PDGFD: variants seen among roughly 807,000 people sequenced by gnomAD.
PDGFD encodes the protein platelet derived growth factor D, also known as platelet-derived growth factor D.
In PDGFD, 30 loss-of-function variants were observed where a neutral mutation model predicts 44.7. That is an observed-to-expected ratio of 0.67 (90% confidence interval 0.50 to 0.91). The LOEUF is 0.91. PDGFD is among the 40% of genes least tolerant of loss of function. The pLI, the probability that PDGFD is intolerant of heterozygous loss-of-function variation, is 0.00. For missense variants in PDGFD, 445 were observed against 457.8 expected (o/e 0.97, Z 0.25); for synonymous variants, 173 against 168.4 (o/e 1.03, Z -0.21).
At chr11:104,062,263 C>T (rs1860728429) in intron 1 of PDGFD, among the ~76,000 whole-genome samples, 2 of 152,214 alleles carry the variant, frequency 1.3e-5, no homozygotes, top group African/African-American at 4.8e-5. Flanking sequence ...AACCAGCATT[C>T]CAGTTACAAC....
At chr11:104,150,051 C>A (rs1016620529) in intron 1 of PDGFD, among the ~76,000 whole-genome samples, 6 of 152,082 alleles carry the variant, frequency 3.9e-5, no homozygotes, top group Non-Finnish European at 2.9e-5. Flanking sequence ...ATGTAATTAT[C>A]ACATCACTTT....
At chr11:103,980,229 T>C (rs533559180) in intron 3 of PDGFD, among the ~76,000 whole-genome samples, 8 of 152,180 alleles carry the variant, frequency 5.3e-5, no homozygotes, top group East Asian at 3.9e-4. Context: ...CAGAAAATCA[T>C]ACGGAGTGCT....
chr11:104,152,433 T>C (rs1862260604), intron 1 of PDGFD, among the ~76,000 whole-genome samples: 1 of 152,276 alleles, frequency 6.6e-6, no homozygotes, highest in Non-Finnish European at 1.5e-5. Flanking sequence ...TATTTCTCTA[T>C]AAATTTATAA....
intron 5 of PDGFD, among the ~76,000 whole-genome samples, chr11:103,929,151 G>T (rs1396711221): frequency 6.6e-6 from 1 of 152,170 alleles, no homozygotes; most frequent in Non-Finnish European, 1.5e-5. Context: ...ACATTTAGTT[G>T]TTCCCCACCC....
chr11:103,961,479 G>A (rs908453474), intron 3 of PDGFD, among the ~76,000 whole-genome samples: 20 of 152,086 alleles, frequency 1.3e-4, no homozygotes, highest in Non-Finnish European at 8.8e-5. Context: ...GATTTTGATA[G>A]GGAAGCAGGC....
intron 1 of PDGFD, among the ~76,000 whole-genome samples, chr11:104,160,523 A>G (rs1225434256): frequency 6.6e-6 from 1 of 152,268 alleles, no homozygotes; most frequent in African/African-American, 2.4e-5. Flanking sequence ...TAAAATTAGA[A>G]TACATAGATG....
intron 6 of PDGFD, among the ~76,000 whole-genome samples, chr11:103,916,154 C>T (rs1385677492): frequency 6.6e-6 from 1 of 152,112 alleles, no homozygotes; most frequent in Non-Finnish European, 1.5e-5. Flanking sequence ...AGTGAACAAG[C>T]AACCTACAGA....
At chr11:104,044,020 C>A (rs142004928) in intron 1 of PDGFD, among the ~76,000 whole-genome samples, 1 of 152,108 alleles carries the variant, frequency 6.6e-6, no homozygotes, top group Non-Finnish European at 1.5e-5. Flanking sequence ...ACACAATAGG[C>A]GAACAACCAG....
intron 1 of PDGFD, among the ~76,000 whole-genome samples, chr11:104,062,120 C>T (rs1333488239): frequency 2.0e-5 from 3 of 152,212 alleles, no homozygotes; most frequent in Non-Finnish European, 4.4e-5. Flanking sequence ...GAAGGGACAG[C>T]TTTTCAATGA....
intron 3 of PDGFD, among the ~76,000 whole-genome samples, chr11:103,970,522 C>A (rs1591100649): frequency 6.6e-6 from 1 of 152,088 alleles, no homozygotes; most frequent in African/African-American, 2.4e-5. Context: ...ATTACCAAAT[C>A]ATTTTGCAAG....
chr11:104,052,084 TG>T (rs1207663948), intron 1 of PDGFD, among the ~76,000 whole-genome samples: 2 of 152,200 alleles, frequency 1.3e-5, no homozygotes, highest in African/African-American at 4.8e-5. Flanking sequence ...TTAGGTACTC[TG>T]GGTATTTTAT....
intron 5 of PDGFD, among the ~76,000 whole-genome samples, chr11:103,941,863 G>A (rs1858589729): frequency 1.3e-5 from 2 of 152,040 alleles, no homozygotes; most frequent in African/African-American, 4.8e-5. Context: ...TTCCTCTGGG[G>A]TTTTCAAAAT....
At position 103,920,384 on chromosome 11, in the gene PDGFD, G is replaced by A. The variant is rs1164276362; in HGVS notation, c.987+6528C>T. 2.0e-5 allele frequency among the ~76,000 whole-genome samples: 3 copies of A among 152,216 alleles called. No individual in the cohort carries two copies. In the East Asian group the frequency reaches 5.8e-4, roughly 29 times the overall value. On this transcript the variant is annotated intron_variant, in intron 6 of 6. Transcript: ENST00000393158. ...TAGAGGATTATTGACTACATGTTCAGCCTACCAATTGCAGAAAACATAATG... is the reference window on the plus strand; with the variant it reads ...TAGAGGATTATTGACTACATGTTCAACCTACCAATTGCAGAAAACATAATG...
Position 104,164,030 on chromosome 11 carries a change from C to T in PDGFD, c.-103G>A. On this transcript the variant is annotated 5_prime_UTR_variant, in exon 1 of 7. Coordinates refer to ENST00000393158, the MANE Select transcript of PDGFD (RefSeq NM_025208.5). ...TGCGCTCTCGCCGCCTGCGCTCGCC[C>T]TGCGCTGGCCCGGGTCGCTGTGCTA... 4 of 1,298,782 alleles carry T rather than the reference C, an allele frequency of 3.1e-6. No homozygotes were observed. Among genetic ancestry groups the T allele is most frequent in the Non-Finnish European group, 4.1e-6 (4 of 975,190 alleles). 80.5% of individuals were successfully genotyped at this position (1,298,782 alleles called of 1,614,324 possible).
At chr11:104,017,472 T>C (rs1336167187) in intron 1 of PDGFD, among the ~76,000 whole-genome samples, 1 of 152,184 alleles carries the variant, frequency 6.6e-6, no homozygotes, top group East Asian at 1.9e-4. Flanking sequence ...TCTATCTACT[T>C]TCTCCAGTTC....
chr11:104,072,125 T>C (rs961699227), intron 1 of PDGFD, among the ~76,000 whole-genome samples: 5 of 151,924 alleles, frequency 3.3e-5, no homozygotes, highest in Non-Finnish European at 5.9e-5. Flanking sequence ...TCATTAACTA[T>C]GTTTAGTATT....
chr11:104,153,146 A>T (rs1420591998), intron 1 of PDGFD, among the ~76,000 whole-genome samples: 1 of 152,136 alleles, frequency 6.6e-6, no homozygotes, highest in Non-Finnish European at 1.5e-5. Flanking sequence ...CTTGTTCAAC[A>T]ATACAGCAAC....
rs1056929344 is a variant in PDGFD at position 104,077,317 on chromosome 11, T to C, written c.125-77062A>G. 3.0e-4 allele frequency among the ~76,000 whole-genome samples: 45 copies of C among 151,994 alleles called. 3 individuals are homozygous for C. The highest frequency in any genetic ancestry group is 2.1e-4 in the South Asian group (1 of 4,810). ...ATACTAAGGTCAACCAGGGTAGAGATGAAGAAGGAAGGATGTAAGGCAGCA... is the reference window on the plus strand; with the variant it reads ...ATACTAAGGTCAACCAGGGTAGAGACGAAGAAGGAAGGATGTAAGGCAGCA... On this transcript the variant is annotated intron_variant, in intron 1 of 6. Transcript: ENST00000393158.
chr11:103,909,729 A>G lies in PDGFD; in HGVS notation c.1078T>C (p.Cys360Arg), dbSNP rs1857998734. 2 of 1,614,008 alleles carry G rather than the reference A, an allele frequency of 1.2e-6. No individual in the cohort carries two copies. The highest frequency in any genetic ancestry group is 2.2e-5 in the East Asian group (1 of 44,878). The change falls in exon 7 of 7, where the codon TGT becomes CGT. Residue 360 changes from cysteine (C) to arginine (R), a missense_variant. Physicochemically the swap from Cys to Arg is radical, Grantham distance 180. Transcript: ENST00000393158. ...GGTCTTGAGCTGCAGATACAATCAC[A>G]TCGTTCATGGTGATCCAACTGGATG... ...VDIQLDHHERCDCICSSRPPR is the reference protein window; with the variant it reads ...VDIQLDHHERRDCICSSRPPR
Sources: allele counts gnomAD v4.1 joint callset (sites outside exome capture counted in the v4.1 genomes callset), GRCh38; gene constraint gnomAD v4.1.1; transcripts MANE v1.5; gene names NCBI Gene and HGNC (gene_info 2026-07-23, HGNC 2026-07-21).